The following TNS1 variants were observed in gnomAD, a reference collection of about 807,000 sequenced individuals.
TNS1 encodes the protein tensin 1.
In TNS1, 62 loss-of-function variants were observed where a neutral mutation model predicts 168.6. That is an observed-to-expected ratio of 0.37 (90% CI 0.30 to 0.45). TNS1 has a LOEUF of 0.45. TNS1 is among the 20% of genes least tolerant of loss of function. TNS1 has a pLI of 1.00. For synonymous variants in TNS1, 934 were observed against 933.2 expected, an observed-to-expected ratio of 1.00 and a Z score of -0.02; for missense variants, 2,240 against 2,339.4, an observed-to-expected ratio of 0.96 and a Z score of 0.88.
intron 2 of TNS1, among the ~76,000 whole-genome samples, chr2:217,979,418 C>T (rs1224861800): frequency 6.6e-6 from 1 of 152,112 alleles, no homozygotes; most frequent in Non-Finnish European, 1.5e-5. Context: ...AGGGCACCAA[C>T]ACACACAATT....
intron 18 of TNS1, among the ~76,000 whole-genome samples, chr2:217,875,009 C>G (rs1424917): frequency 0.12 from 17,776 of 152,210 alleles, 1,371 homozygotes; most frequent in East Asian, 0.18. Flanking sequence ...TTCCTTGCCC[C>G]CTTTGAAGCT....
intron 1 of TNS1, among the ~76,000 whole-genome samples, chr2:218,018,095 A>G (rs998472356): frequency 3.3e-5 from 5 of 152,238 alleles, no homozygotes; most frequent in African/African-American, 7.2e-5. Flanking sequence ...ATTGGAGGGT[A>G]CAATGCCTCT....
intron 1 of TNS1, among the ~76,000 whole-genome samples, chr2:218,031,378 G>A (rs542492142): frequency 4.0e-5 from 6 of 150,858 alleles, no homozygotes; most frequent in African/African-American, 1.5e-4. Flanking sequence ...GCATGTCTGT[G>A]TGTGTATGAA....
At chr2:217,865,899 G>C (rs1949228418) in intron 18 of TNS1, among the ~76,000 whole-genome samples, 1 of 152,206 alleles carries the variant, frequency 6.6e-6, no homozygotes, top group African/African-American at 2.4e-5. Context: ...CTAGGACCTT[G>C]TCAGAACCCT....
At position 217,837,403 on chromosome 2, in the gene TNS1, C is replaced by G. The variant is rs556349219; in HGVS notation, c.3008-1192G>C. ...GCCATAAACAGCGCCACCTGGGAAG[C>G]CTTCCTACTTGTCATGAACAGCAGG... On this transcript the variant is annotated intron_variant, in intron 19 of 32. Coordinates refer to ENST00000682258, the MANE Select transcript of TNS1 (RefSeq NM_001387777.1). Among the ~76,000 whole-genome samples the G allele has an allele frequency of 5.3e-5, 8 of 152,316 alleles. No individual in the cohort carries two copies. The East Asian group carries it at 9.6e-4, about 18-fold the overall frequency.
chr2:217,892,901 T>C, intron 11 of TNS1, 47 bp downstream of exon 11: 1 of 1,591,448 alleles, frequency 6.3e-7, no homozygotes, highest in Non-Finnish European at 8.6e-7. Flanking sequence ...AGGAGGGGGG[T>C]CACACTGTCG....
intron 30 of TNS1, 99 bp from the exon 31 acceptor site, chr2:217,808,770 G>T: frequency 9.2e-7 from 1 of 1,082,830 alleles, no homozygotes; most frequent in Non-Finnish European, 1.4e-6. Context: ...ACCATCTGTG[G>T]CTATCGCAGG....
At chr2:217,843,995 C>T (rs1355445388) in intron 19 of TNS1, among the ~76,000 whole-genome samples, 1 of 152,142 alleles carries the variant, frequency 6.6e-6, no homozygotes, top group African/African-American at 2.4e-5. Flanking sequence ...CCCTCAAACT[C>T]AACATGTCTA....
At chr2:217,973,315 G>A (rs530585295) in intron 3 of TNS1, among the ~76,000 whole-genome samples, 20 of 148,210 alleles carry the variant, frequency 1.3e-4, no homozygotes, top group South Asian at 4.3e-4. Context: ...GCAGTGAATC[G>A]TGACCACACC....
Position 217,848,445 on chromosome 2 carries a change from C to T in TNS1, c.2072G>A (p.Arg691Gln), listed in dbSNP as rs752348651. The part of the protein sequence containing the change: ...GGGYPYESAS[R>Q]AGPAHAGHTA... ...GTGGCCAGCATGGGCAGGCCCCGCC[C>T]GGCTGGCAGACTCGTAGGGGTAGCC... The change falls in exon 19 of 33, where the codon CGG becomes CAG. Residue 691 changes from arginine (R) to glutamine (Q), a missense_variant. Coordinates refer to ENST00000682258, the MANE Select transcript of TNS1 (RefSeq NM_001387777.1). 1.4e-5 allele frequency: 22 copies of T among 1,611,814 alleles called. No homozygotes were observed. The highest frequency in any genetic ancestry group is 8.0e-5 in the African/African-American group (6 of 75,044).
intron 3 of TNS1, among the ~76,000 whole-genome samples, chr2:217,945,249 C>T (rs952824543): frequency 2.6e-5 from 4 of 152,176 alleles, no homozygotes; most frequent in African/African-American, 7.2e-5. Flanking sequence ...AGAACTTTTC[C>T]GGTCTTAACA....
At chr2:217,842,326 T>G (rs980154456) in intron 19 of TNS1, among the ~76,000 whole-genome samples, 3 of 150,196 alleles carry the variant, frequency 2.0e-5, no homozygotes, top group African/African-American at 7.5e-5. Flanking sequence ...AAACTTAATG[T>G]GTCCAAAAGT....
At chr2:217,909,125 C>A (rs1468020940) in intron 4 of TNS1, among the ~76,000 whole-genome samples, 1 of 148,856 alleles carries the variant, frequency 6.7e-6, no homozygotes, top group East Asian at 2.0e-4. Flanking sequence ...GCAGTGTCGC[C>A]CACCCCAGGC....
intron 2 of TNS1, among the ~76,000 whole-genome samples, chr2:217,983,764 G>C (rs1228772310): frequency 6.6e-6 from 1 of 152,178 alleles, no homozygotes; most frequent in East Asian, 1.9e-4. Flanking sequence ...CACAGGCCTG[G>C]CCACCTGCCT....
At chr2:217,898,721 G>A (rs1168297135) in intron 7 of TNS1, among the ~76,000 whole-genome samples, 2 of 152,188 alleles carry the variant, frequency 1.3e-5, no homozygotes, top group African/African-American at 2.4e-5. Context: ...CTGCAGTGGC[G>A]GGCAGCCGCC....
At chr2:217,976,625 C>T (rs1158930578) in intron 3 of TNS1, among the ~76,000 whole-genome samples, 1 of 152,230 alleles carries the variant, frequency 6.6e-6, no homozygotes, top group Non-Finnish European at 1.5e-5. Flanking sequence ...GCCCCCAGCA[C>T]ACGTGAGAGA....
chr2:217,834,978 CA>C (rs2125317118), intron 21 of TNS1, 112 bp downstream of exon 21: 1 of 864,148 alleles, frequency 1.2e-6, no homozygotes, highest in Non-Finnish European at 1.7e-6. Context: ...GTTCTGGCCC[CA>C]CCTGGGGCAC....
At chr2:217,831,651 G>T in intron 21 of TNS1, 104 bp from the exon 22 acceptor site, 1 of 932,232 alleles carries the variant, frequency 1.1e-6, no homozygotes, top group Non-Finnish European at 1.5e-6. Context: ...GGGGGCTGGA[G>T]ACGGTGCCGA....
rs1937981144 is a variant in TNS1 at position 217,804,288 on chromosome 2, C to T, written c.*171G>A. Reference sequence around the variant, plus strand: ...TCTCTCTCTCTCTCTCTCTCTCTCTCTTTTCCCCCTCCCCTCTGCAATTCA... The same window carrying T: ...TCTCTCTCTCTCTCTCTCTCTCTCTTTTTTCCCCCTCCCCTCTGCAATTCA... On this transcript the variant is annotated 3_prime_UTR_variant, in exon 33 of 33. Coordinates refer to ENST00000682258, the MANE Select transcript of TNS1 (RefSeq NM_001387777.1). 3 of 682,216 alleles carry T rather than the reference C, an allele frequency of 4.4e-6. No individual in the cohort carries two copies. Among genetic ancestry groups the T allele is most frequent in the Non-Finnish European group, 4.8e-6 (2 of 414,036 alleles). 42.3% of individuals were successfully genotyped at this position (682,216 alleles called of 1,614,324 possible).
Sources: gnomAD v4.1 joint callset for allele counts (sites outside exome capture counted in the v4.1 genomes callset) on GRCh38, gnomAD v4.1.1 for gene constraint, MANE v1.5 for transcripts, NCBI Gene and HGNC (gene_info 2026-07-23, HGNC 2026-07-21) for gene names.